Variants in NCOR2 observed in about 807,000 individuals in gnomAD.
NCOR2 encodes the protein CTG repeat protein 26.
In NCOR2, 81 loss-of-function variants were observed where a neutral mutation model predicts 262.9. The observed-to-expected ratio is 0.31, with a 90% CI of 0.26 to 0.37. The LOEUF is 0.37. Among genes scored for constraint, NCOR2 ranks in the 10% least tolerant of loss-of-function variants. NCOR2 has a pLI of 1.00. For missense variants in NCOR2, 3,385 were observed against 3,621.4 expected (o/e 0.93, Z 1.68); for synonymous variants, 1,659 against 1,559.3 (o/e 1.06, Z -1.51).
rs7484849 is a variant in NCOR2, at chr12:124,501,056, A to G, written c.-117-5688T>C. 0.015 allele frequency among the ~76,000 whole-genome samples: 765 copies of G among 49,378 alleles called. 31 individuals carry two copies. The East Asian group carries it at 0.24, about 15-fold the overall frequency. 32.4% of individuals were successfully genotyped at this position (49,378 alleles called of 152,430 possible). A position where few individuals can be genotyped will look rare whatever the true frequency, so the allele number is the denominator to read the frequency against. ...GCGCCCACGGCACGAGCGCGCGCGC[A>G]CGCGCGCACACACACACACACACAC... On this transcript the variant is annotated intron_variant, in intron 1 of 46. Coordinates refer to the NCOR2 transcript ENST00000404621.
At chr12:124,534,188 G>A (rs1373014594) in intron 1 of NCOR2, among the ~76,000 whole-genome samples, 1 of 152,172 alleles carries the variant, frequency 6.6e-6, no homozygotes, top group Non-Finnish European at 1.5e-5. Flanking sequence ...TGGGCTTGGT[G>A]GCTCACACCT....
intron 4 of NCOR2, among the ~76,000 whole-genome samples, chr12:124,471,301 C>T (rs1056781563): frequency 2.6e-5 from 4 of 152,220 alleles, no homozygotes; most frequent in Middle Eastern, 6.3e-3. Flanking sequence ...AAAATGAGCC[C>T]TTGATCCTCC....
intron 13 of NCOR2, among the ~76,000 whole-genome samples, chr12:124,408,494 C>G (rs1223754586): frequency 1.3e-5 from 2 of 152,180 alleles, no homozygotes; most frequent in African/African-American, 4.8e-5. Flanking sequence ...CACTTGTAAT[C>G]TCAGTGCTTT....
intron 1 of NCOR2, among the ~76,000 whole-genome samples, chr12:124,561,502 T>G (rs1375617072): frequency 6.6e-6 from 1 of 152,042 alleles, no homozygotes; most frequent in East Asian, 1.9e-4. Flanking sequence ...TCTAGAACAT[T>G]CTCACCAATG....
chr12:124,335,612 T>G, exon 39 of NCOR2: 1 of 1,604,040 alleles, frequency 6.2e-7, no homozygotes. Flanking sequence ...CCTTCGGGGC[T>G]GTAGCTGCTG....
At chr12:124,422,182 G>A (rs563870126) in intron 12 of NCOR2, among the ~76,000 whole-genome samples, 2 of 152,362 alleles carry the variant, frequency 1.3e-5, no homozygotes, top group Admixed American at 6.5e-5. Flanking sequence ...GGCCTTTGAG[G>A]AGCTGGCAGG....
At chr12:124,438,680 G>A (rs2044531315) in intron 7 of NCOR2, among the ~76,000 whole-genome samples, 1 of 142,690 alleles carries the variant, frequency 7.0e-6, no homozygotes. Context: ...CAGAGAGAGA[G>A]AGGGAGACAG....
chr12:124,381,262 C>T (rs571486245), intron 17 of NCOR2, among the ~76,000 whole-genome samples: 90 of 152,310 alleles, frequency 5.9e-4, no homozygotes, highest in Non-Finnish European at 1.2e-3. Flanking sequence ...GGCTGTTCCC[C>T]TGCCTGGACA....
chr12:124,398,800 C>T (rs546289417), intron 15 of NCOR2, among the ~76,000 whole-genome samples: 29 of 152,326 alleles, frequency 1.9e-4, no homozygotes, highest in Admixed American at 1.3e-3. Flanking sequence ...TCGCCCATGG[C>T]GGAGAAGCCC....
At chr12:124,413,835 GAA>G (rs977734875) in intron 13 of NCOR2, among the ~76,000 whole-genome samples, 58 of 152,288 alleles carry the variant, frequency 3.8e-4, no homozygotes, top group African/African-American at 1.3e-3. Flanking sequence ...CACTGAGAGA[GAA>G]AGAGACAGTG....
intron 5 of NCOR2, among the ~76,000 whole-genome samples, chr12:124,463,551 C>T (rs561848503): frequency 3.2e-4 from 48 of 152,332 alleles, no homozygotes; most frequent in Middle Eastern, 6.8e-3. Flanking sequence ...CAATGTGCTC[C>T]GAATGGATAA....
At chr12:124,444,333 A>G (rs897343474) in intron 7 of NCOR2, among the ~76,000 whole-genome samples, 5 of 152,172 alleles carry the variant, frequency 3.3e-5, no homozygotes, top group Non-Finnish European at 7.3e-5. Flanking sequence ...CACACACCCT[A>G]TAAGGAAACC....
At chr12:124,469,743 G>GA (rs1011015324) in intron 4 of NCOR2, among the ~76,000 whole-genome samples, 1 of 152,158 alleles carries the variant, frequency 6.6e-6, no homozygotes, top group Non-Finnish European at 1.5e-5. Context: ...AGATAATGCT[G>GA]AAAAAACTGC....
chr12:124,356,561 G>A, intron 23 of NCOR2, 81 bp downstream of exon 25: 2 of 1,211,836 alleles, frequency 1.7e-6, no homozygotes, highest in Non-Finnish European at 2.1e-6. Context: ...GCTTCTGTGT[G>A]CAGCTCTGAG....
rs559531583 is a variant in NCOR2, at chr12:124,474,881, T to G, written c.412-1750A>C. On this transcript the variant is annotated intron_variant, in intron 3 of 46. Transcript: ENST00000405201. The stretch of plus-strand genomic sequence containing the variant: ...CCCAGAGCAGCGCCAGGCCACCACC[T>G]CCCCGCCCCCGCAGCAGCTGCACCC... 5.3e-5 allele frequency among the ~76,000 whole-genome samples: 8 copies of G among 151,452 alleles called. No individual in the cohort carries two copies. The South Asian group carries it at 1.3e-3, about 24-fold the overall frequency.
chr12:124,556,395 A>G (rs912088284), intron 1 of NCOR2: 1 of 152,412 alleles, frequency 6.6e-6, no homozygotes, highest in East Asian at 1.9e-4. Flanking sequence ...TGTGCCCAGC[A>G]CTGCTCTAGA....
chr12:124,538,406 G>T (rs139366834), upstream of NCOR2: 1,069 of 152,822 alleles, frequency 7.0e-3, 17 homozygotes, highest in South Asian at 0.059. Context: ...GGGGCCAAGG[G>T]GGGTAGCGAG....
intron 10 of NCOR2, 63 bp from the exon 13 acceptor site, chr12:124,426,863 G>A (rs567299022): frequency 1.4e-6 from 2 of 1,464,800 alleles, no homozygotes; most frequent in African/African-American, 1.4e-5. Flanking sequence ...CGGCGCAGGG[G>A]ACCCAGGGAA....
exon 47 of NCOR2, chr12:124,325,385 C>CCAA: frequency 5.6e-6 from 3 of 539,438 alleles, no homozygotes; most frequent in Non-Finnish European, 8.2e-6. Flanking sequence ...CCGCCCCCCC[C>CCAA]CCCGCCCTGT....
Sources: gnomAD v4.1 joint callset for allele counts (sites outside exome capture counted in the v4.1 genomes callset) on GRCh38, gnomAD v4.1.1 for gene constraint, MANE v1.5 for transcripts, NCBI Gene and HGNC (gene_info 2026-07-23, HGNC 2026-07-21) for gene names.